The following SH3KBP1 variants were observed in gnomAD, a reference collection of about 807,000 sequenced individuals.
SH3KBP1 encodes SH3 domain containing kinase binding protein 1, also known as SH3 domain-containing kinase-binding protein 1.
A neutral mutation model predicts 50.1 loss-of-function variants in SH3KBP1; 8 were observed. The ratio of observed to expected loss-of-function variants is 0.16; its 90% CI spans 0.09 to 0.29. SH3KBP1 has a LOEUF of 0.29. SH3KBP1 is among the 10% of genes least tolerant of loss of function. The pLI is 1.00. For synonymous variants in SH3KBP1, 227 were observed against 218.6 expected, an observed-to-expected ratio of 1.04 and a Z score of -0.34; for missense variants, 377 against 535.2, an observed-to-expected ratio of 0.70 and a Z score of 2.92.
chrX:19,866,833 A>C (rs765765883), intron 1 of SH3KBP1, among the ~76,000 whole-genome samples: 1 of 111,403 alleles, frequency 9.0e-6, no homozygotes, highest in African/African-American at 3.3e-5. Flanking sequence ...GGATGGCGTC[A>C]CTGATGATTT....
At chrX:19,651,172 A>C (rs747558000) in intron 6 of SH3KBP1, among the ~76,000 whole-genome samples, 8 of 110,638 alleles carry the variant, frequency 7.2e-5, no homozygotes, top group Admixed American at 1.9e-4. Context: ...CTCAAGTCAA[A>C]GCCAGAAAAG....
chrX:19,697,576 C>T (rs749465774), intron 4 of SH3KBP1, among the ~76,000 whole-genome samples: 3 of 112,147 alleles, frequency 2.7e-5, no homozygotes, highest in Non-Finnish European at 5.6e-5. Context: ...GAAGTGAATA[C>T]TCTACCAAGA....
chrX:19,714,905 T>G (rs1304171397), intron 3 of SH3KBP1, among the ~76,000 whole-genome samples: 1 of 111,893 alleles, frequency 8.9e-6, no homozygotes, highest in Non-Finnish European at 1.9e-5. Context: ...AATGTCCTCA[T>G]ACTTAGGAGA....
At chrX:19,756,547 A>G (rs1048792002) in intron 2 of SH3KBP1, among the ~76,000 whole-genome samples, 2 of 109,520 alleles carry the variant, frequency 1.8e-5, no homozygotes, top group Non-Finnish European at 3.8e-5. Flanking sequence ...TTCTAAGTAG[A>G]GTATAAATTG....
intron 2 of SH3KBP1, among the ~76,000 whole-genome samples, chrX:19,761,019 G>A (rs1268439593): frequency 1.9e-5 from 2 of 106,586 alleles, no homozygotes; most frequent in South Asian, 4.4e-4. Flanking sequence ...AGAGAAGGAC[G>A]CAAGATCCAG....
chrX:19,763,182 T>C (rs1431336783), intron 2 of SH3KBP1, among the ~76,000 whole-genome samples: 2 of 111,712 alleles, frequency 1.8e-5, no homozygotes, highest in Non-Finnish European at 3.8e-5. Flanking sequence ...GAGGGACAAA[T>C]TCCCTAGAGT....
At chrX:19,805,746 C>G (rs946308864) in intron 2 of SH3KBP1, among the ~76,000 whole-genome samples, 2 of 110,891 alleles carry the variant, frequency 1.8e-5, no homozygotes, top group African/African-American at 6.6e-5. Context: ...CACCAGCCCA[C>G]GTCGAGACCT....
chrX:19,869,951 A>C (rs773084253), intron 1 of SH3KBP1, among the ~76,000 whole-genome samples: 1 of 112,181 alleles, frequency 8.9e-6, no homozygotes, highest in South Asian at 3.7e-4. Flanking sequence ...CATTCATTCA[A>C]ATGGTGATGG....
chrX:19,785,582 T>C (rs1401376100), intron 2 of SH3KBP1, among the ~76,000 whole-genome samples: 1 of 111,322 alleles, frequency 9.0e-6, no homozygotes, highest in Non-Finnish European at 1.9e-5. Context: ...TGGAGGGTAA[T>C]AGTGTGCTGA....
Position 19,682,333 on chromosome X carries a change from TACACACACACACACACACACACACACAC to T in SH3KBP1, c.726+1462_726+1489del, listed in dbSNP as rs59044973. Among the ~76,000 whole-genome samples, 80 of 75,908 alleles carry T rather than the reference TACACACACACACACACACACACACACAC, an allele frequency of 1.1e-3. 1 individual carries two copies. The highest frequency in any genetic ancestry group is 3.2e-4 in the Non-Finnish European group (12 of 37,364). The allele number at this position is 75,908 out of a possible 115,157, so 65.9% of individuals were successfully genotyped here. A position where few individuals can be genotyped will look rare whatever the true frequency, so the allele number is the denominator to read the frequency against. On this transcript the variant is annotated intron_variant, in intron 6 of 17. Transcript: ENST00000397821. ...ATATTAATAGCAATAATAAGAGTCATACACACACACACACACACACACACACACACACACACACACACACAGTCCTCCT... is the reference window on the plus strand; with the variant it reads ...ATATTAATAGCAATAATAAGAGTCATACACACACACACACACAGTCCTCCT...
intron 2 of SH3KBP1, among the ~76,000 whole-genome samples, chrX:19,753,642 T>G (rs987866042): frequency 1.8e-5 from 2 of 111,669 alleles, no homozygotes; most frequent in African/African-American, 6.5e-5. Flanking sequence ...GCAAGTATTC[T>G]GAGAATATGG....
At chrX:19,677,334 T>C (rs1181689519) in intron 6 of SH3KBP1, among the ~76,000 whole-genome samples, 5 of 111,122 alleles carry the variant, frequency 4.5e-5, no homozygotes, top group African/African-American at 1.6e-4. Context: ...CACAGGAAAA[T>C]AGCCTGATGA....
At chrX:19,823,274 C>T (rs1183511558) in intron 2 of SH3KBP1, among the ~76,000 whole-genome samples, 4 of 111,831 alleles carry the variant, frequency 3.6e-5, no homozygotes, top group Non-Finnish European at 7.5e-5. Flanking sequence ...TCAAAAGTCC[C>T]GATAGGCTCA....
chrX:19,648,195 C>A, intron 6 of SH3KBP1: 1 of 305,267 alleles, frequency 3.3e-6, no homozygotes, highest in South Asian at 3.5e-5. Flanking sequence ...GACAACATTG[C>A]TGAGGGAAAC....
intron 3 of SH3KBP1, among the ~76,000 whole-genome samples, chrX:19,735,892 T>G (rs1290538363): frequency 1.8e-5 from 2 of 109,884 alleles, no homozygotes; most frequent in Non-Finnish European, 3.8e-5. Context: ...ACCGGCTAAT[T>G]TTTTTGTGTT....
At chrX:19,663,290 T>C (rs944724668) in intron 6 of SH3KBP1, among the ~76,000 whole-genome samples, 2 of 111,515 alleles carry the variant, frequency 1.8e-5, no homozygotes, top group African/African-American at 6.5e-5. Flanking sequence ...GTGCTTTTCG[T>C]GGTTGTTATT....
chrX:19,719,028 A>G, intron 3 of SH3KBP1, among the ~76,000 whole-genome samples: 1 of 111,177 alleles, frequency 9.0e-6, no homozygotes, highest in Non-Finnish European at 1.9e-5. Flanking sequence ...ACATACATAC[A>G]CACACACATA....
At chrX:19,600,279 G>A (rs1182102151) in intron 9 of SH3KBP1, among the ~76,000 whole-genome samples, 1 of 110,328 alleles carries the variant, frequency 9.1e-6, no homozygotes, top group Non-Finnish European at 1.9e-5. Context: ...ATCTACTCGG[G>A]AGGCTGAGGC....
At chrX:19,883,535 G>A (rs1253040935) in intron 1 of SH3KBP1, among the ~76,000 whole-genome samples, 1 of 111,535 alleles carries the variant, frequency 9.0e-6, no homozygotes, top group Non-Finnish European at 1.9e-5. Context: ...CCGATTCCCT[G>A]CCCCTGCCTG....
Sources: allele counts gnomAD v4.1 joint callset (sites outside exome capture counted in the v4.1 genomes callset), GRCh38; gene constraint gnomAD v4.1.1; transcripts MANE v1.5; gene names NCBI Gene and HGNC (gene_info 2026-07-23, HGNC 2026-07-21).